Variants in GUCY1A2 observed in about 807,000 individuals in gnomAD.
The protein encoded by GUCY1A2 is guanylate cyclase soluble subunit alpha-2.
Under a neutral mutation model 63.5 loss-of-function variants are expected in GUCY1A2, and 27 were observed. The observed-to-expected ratio is 0.43, with a 90% CI of 0.31 to 0.59. The LOEUF (loss-of-function observed/expected upper bound fraction) is 0.59, where lower values mean the gene tolerates loss of function less well. Among genes scored for constraint, GUCY1A2 ranks in the 20% least tolerant of loss-of-function variants. GUCY1A2 has a pLI of 0.11. For missense variants in GUCY1A2, 768 were observed against 913.3 expected (o/e 0.84, Z 2.05); for synonymous variants, 364 against 343.5 (o/e 1.06, Z -0.66).
chr11:106,740,492 G>C (rs1293710766), intron 6 of GUCY1A2, among the ~76,000 whole-genome samples: 1 of 152,036 alleles, frequency 6.6e-6, no homozygotes. Context: ...TTGTCACCAA[G>C]ACTTAACTTA....
rs1236968483 is a variant in GUCY1A2 at position 106,941,235 on chromosome 11, C to A, written c.488-1057G>T. 2.0e-5 allele frequency among the ~76,000 whole-genome samples: 3 copies of A among 152,064 alleles called. No homozygotes were observed. In the East Asian group the frequency reaches 5.8e-4, roughly 29 times the overall value. ...TCCATATATAATCACTCCCTGATGC[C>A]CTGGCAAAAGAGTTCCACCTTATAG... On this transcript the variant is annotated intron_variant, in intron 3 of 7. Coordinates refer to ENST00000526355, the MANE Select transcript of GUCY1A2 (RefSeq NM_000855.3).
chr11:106,798,959 G>A (rs917238002), intron 5 of GUCY1A2, among the ~76,000 whole-genome samples: 1 of 152,136 alleles, frequency 6.6e-6, no homozygotes, highest in African/African-American at 2.4e-5. Flanking sequence ...CAATTAGGAA[G>A]AGAGGAAGTC....
intron 4 of GUCY1A2, among the ~76,000 whole-genome samples, chr11:106,812,504 C>T (rs1413548158): frequency 1.3e-5 from 2 of 151,494 alleles, no homozygotes; most frequent in Non-Finnish European, 2.9e-5. Context: ...CTTTTTCTTT[C>T]TCTTTTCTTC....
At position 106,795,189 on chromosome 11, in the gene GUCY1A2, G is replaced by T. The variant is rs76348118; in HGVS notation, c.1692+14804C>A. 4.0e-3 allele frequency among the ~76,000 whole-genome samples: 604 copies of T among 152,156 alleles called. 2 individuals are homozygous for T. The highest frequency in any genetic ancestry group is 0.014 in the African/African-American group (574 of 41,516). On this transcript the variant is annotated intron_variant, in intron 5 of 7. Coordinates refer to ENST00000526355, the MANE Select transcript of GUCY1A2 (RefSeq NM_000855.3). ...GTGACAAAGATATAATTAAAATCAG[G>T]TTTTCAGACTTTATCTTCAATACCC...
chr11:106,999,488 C>T (rs964151219), intron 1 of GUCY1A2, among the ~76,000 whole-genome samples: 2 of 152,084 alleles, frequency 1.3e-5, no homozygotes, highest in Non-Finnish European at 2.9e-5. Flanking sequence ...TGTTATGTAA[C>T]ATCTTTACAT....
At chr11:106,975,219 T>C (rs949808136) in intron 3 of GUCY1A2, among the ~76,000 whole-genome samples, 1 of 152,138 alleles carries the variant, frequency 6.6e-6, no homozygotes, top group African/African-American at 2.4e-5. Context: ...CAACACTATG[T>C]AAACCCAATC....
rs553775395 is a variant in GUCY1A2, at chr11:107,010,284, G to A, written c.303+7469C>T. The stretch of plus-strand genomic sequence containing the variant: ...TCTTCAGATCCTGTCCTGAAGTGAT[G>A]TTTAAGGGCCATAATTATGTCATTT... On this transcript the variant is annotated intron_variant, in intron 1 of 7. Transcript: ENST00000526355. Among the ~76,000 whole-genome samples the A allele has an allele frequency of 2.6e-5, 4 of 152,232 alleles. No homozygotes were observed. In the South Asian group the frequency reaches 8.3e-4, roughly 32 times the overall value.
rs117723613 is a variant in GUCY1A2, at chr11:106,687,139, C to T, written c.*410G>A. ...CAGAAAAAGAAACTTAGAAAATATT[C>T]CTCACCCACCAACTCACTAAATGTA... is the stretch of plus-strand genomic sequence containing the variant. On this transcript the variant is annotated 3_prime_UTR_variant, in exon 8 of 8. Transcript: ENST00000526355. The T allele has an allele frequency of 7.0e-3, 1,625 of 232,418 alleles. 15 individuals carry two copies. Among genetic ancestry groups the T allele is most frequent in the Non-Finnish European group, 8.7e-3 (1,022 of 117,732 alleles). 14.4% of individuals were successfully genotyped at this position (232,418 alleles called of 1,614,324 possible).
chr11:107,017,686 C>T, intron 1 of GUCY1A2, 67 bp downstream of exon 1: 3 of 1,028,786 alleles, frequency 2.9e-6, no homozygotes, highest in Non-Finnish European at 3.9e-6. Context: ...CCGGCTCGCC[C>T]AGCGCCAACT....
At chr11:106,710,418 G>C (rs919622162) in intron 6 of GUCY1A2, among the ~76,000 whole-genome samples, 2 of 136,982 alleles carry the variant, frequency 1.5e-5, no homozygotes, top group African/African-American at 2.7e-5. Flanking sequence ...CATGTATATA[G>C]TATATATATT....
intron 3 of GUCY1A2, among the ~76,000 whole-genome samples, chr11:106,947,218 CAA>C (rs35132742): frequency 2.9e-4 from 33 of 113,160 alleles, no homozygotes; most frequent in Middle Eastern, 5.0e-3. Context: ...CTCCATCTCA[CAA>C]AAAAAAAAAA....
chr11:107,013,925 G>C (rs1282586152), intron 1 of GUCY1A2, among the ~76,000 whole-genome samples: 5 of 151,934 alleles, frequency 3.3e-5, no homozygotes, highest in Non-Finnish European at 5.9e-5. Flanking sequence ...TTCAGCATTT[G>C]TCTTTCCAAA....
intron 4 of GUCY1A2, among the ~76,000 whole-genome samples, chr11:106,817,169 T>C (rs1278401313): frequency 1.3e-5 from 2 of 152,112 alleles, no homozygotes; most frequent in Non-Finnish European, 1.5e-5. Flanking sequence ...ATTCATCTTC[T>C]AGCTGGGATA....
chr11:106,923,311 T>C (rs1860474776), intron 4 of GUCY1A2, among the ~76,000 whole-genome samples: 1 of 152,190 alleles, frequency 6.6e-6, no homozygotes, highest in Non-Finnish European at 1.5e-5. Context: ...CAGAATAAAT[T>C]ACAAAATCCT....
chr11:106,785,258 C>G (rs961971449), intron 5 of GUCY1A2, among the ~76,000 whole-genome samples: 1 of 152,088 alleles, frequency 6.6e-6, no homozygotes, highest in African/African-American at 2.4e-5. Flanking sequence ...AGAGAAAAAC[C>G]GTTTCCACTT....
At position 106,985,973 on chromosome 11, in the gene GUCY1A2, T is replaced by A; in HGVS notation, c.365+97A>T. ...AAAACATAGCCACTATAAAATCAGG[T>A]TGACCTGGGTAGCAGAAAATCACAT... On this transcript the variant is annotated intron_variant, in intron 2 of 7. Transcript: ENST00000526355. 3 of 747,058 alleles carry A rather than the reference T, an allele frequency of 4.0e-6. No homozygotes were observed. In the Admixed American group the frequency reaches 5.6e-5, roughly 14 times the overall value. 46.3% of individuals were successfully genotyped at this position (747,058 alleles called of 1,614,324 possible). A position where few individuals can be genotyped will look rare whatever the true frequency, so the allele number is the denominator to read the frequency against.
intron 4 of GUCY1A2, among the ~76,000 whole-genome samples, chr11:106,921,195 A>C (rs1412714411): frequency 6.6e-6 from 1 of 152,074 alleles, no homozygotes. Context: ...TGGATTTCTC[A>C]TTATTATTTC....
intron 6 of GUCY1A2, among the ~76,000 whole-genome samples, chr11:106,752,481 A>G (rs1863898094): frequency 6.6e-6 from 1 of 152,162 alleles, no homozygotes; most frequent in Admixed American, 6.5e-5. Context: ...TATTTACATT[A>G]GGTATTTCTC....
At chr11:106,933,723 G>C (rs1228329774) in intron 4 of GUCY1A2, among the ~76,000 whole-genome samples, 1 of 152,132 alleles carries the variant, frequency 6.6e-6, no homozygotes, top group South Asian at 2.1e-4. Context: ...ATTGGATAAA[G>C]ACAATGTAGT....
Sources: allele counts gnomAD v4.1 joint callset (sites outside exome capture counted in the v4.1 genomes callset), GRCh38; gene constraint gnomAD v4.1.1; transcripts MANE v1.5; gene names NCBI Gene and HGNC (gene_info 2026-07-23, HGNC 2026-07-21).